Variants in SETD3 observed in about 807,000 individuals in gnomAD.
SETD3 encodes SET domain containing 3, actin N3(tau)-histidine methyltransferase, also known as actin-histidine N-methyltransferase.
A neutral mutation model predicts 63.0 loss-of-function variants in SETD3; 19 were observed. The ratio of observed to expected loss-of-function variants is 0.30; its 90% CI spans 0.21 to 0.44. The LOEUF (loss-of-function observed/expected upper bound fraction) is 0.44, where lower values mean the gene tolerates loss of function less well. SETD3 is among the 20% of genes least tolerant of loss of function. The pLI is 1.00. For missense variants in SETD3, 587 were observed against 728.5 expected (o/e 0.81, Z 2.24); for synonymous variants, 286 against 264.1 (o/e 1.08, Z -0.80).
intron 11 of SETD3, among the ~76,000 whole-genome samples, chr14:99,401,689 T>C (rs954265973): frequency 8.5e-5 from 13 of 152,232 alleles, no homozygotes; most frequent in African/African-American, 2.2e-4. Flanking sequence ...TTTTGAGTCA[T>C]TTTATATTCT....
intron 11 of SETD3, among the ~76,000 whole-genome samples, chr14:99,403,058 G>T (rs1307112628): frequency 6.6e-6 from 1 of 152,132 alleles, no homozygotes; most frequent in Non-Finnish European, 1.5e-5. Context: ...GCTCCCACTT[G>T]AATAACCGTA....
intron 3 of SETD3, among the ~76,000 whole-genome samples, chr14:99,462,989 C>T (rs1895156770): frequency 6.6e-6 from 1 of 152,154 alleles, no homozygotes; most frequent in Non-Finnish European, 1.5e-5. Flanking sequence ...CTTAGCCCCA[C>T]GCCAGCCTGG....
chr14:99,484,316 A>C (rs1392589455), upstream of SETD3, among the ~76,000 whole-genome samples: 2 of 152,276 alleles, frequency 1.3e-5, no homozygotes, highest in Non-Finnish European at 2.9e-5. Context: ...GCTGCAACGC[A>C]GCAGACACAC....
At chr14:99,434,950 C>G (rs1450589800) in intron 6 of SETD3, among the ~76,000 whole-genome samples, 1 of 144,136 alleles carries the variant, frequency 6.9e-6, no homozygotes, top group Non-Finnish European at 1.5e-5. Flanking sequence ...TAAAAGTTGA[C>G]AGAAAACTCC....
chr14:99,414,077 A>C, intron 6 of SETD3, 143 bp from the exon 7 acceptor site: 1 of 713,574 alleles, frequency 1.4e-6, no homozygotes, highest in Non-Finnish European at 2.5e-6. Flanking sequence ...CGCGCTACAG[A>C]GGGATCATCG....
intron 6 of SETD3, among the ~76,000 whole-genome samples, chr14:99,445,918 C>G (rs1163040617): frequency 1.3e-5 from 2 of 152,106 alleles, no homozygotes; most frequent in African/African-American, 4.8e-5. Flanking sequence ...TTTTAAACTT[C>G]TAGGGATTTT....
At chr14:99,470,006 C>T (rs942994467) in intron 1 of SETD3, among the ~76,000 whole-genome samples, 3 of 152,214 alleles carry the variant, frequency 2.0e-5, no homozygotes, top group African/African-American at 7.2e-5. Context: ...TTCCACAGCT[C>T]ACGGGATAAT....
intron 6 of SETD3, among the ~76,000 whole-genome samples, chr14:99,440,881 GAA>G (rs943242707): frequency 2.3e-4 from 35 of 151,934 alleles, no homozygotes; most frequent in African/African-American, 8.0e-4. Flanking sequence ...CCAGTTATCT[GAA>G]GAGATGCTCG....
At chr14:99,408,429 G>C (rs1199618462) in intron 8 of SETD3, among the ~76,000 whole-genome samples, 2 of 152,106 alleles carry the variant, frequency 1.3e-5, no homozygotes, top group Non-Finnish European at 2.9e-5. Context: ...TGACAACAAA[G>C]TGGAATGAGA....
chr14:99,443,420 T>C (rs1221534117), intron 6 of SETD3, among the ~76,000 whole-genome samples: 2 of 151,886 alleles, frequency 1.3e-5, no homozygotes, highest in African/African-American at 2.4e-5. Flanking sequence ...CCTGGGTGAT[T>C]TTTGCATTTT....
chr14:99,400,232 T>C lies in SETD3; in HGVS notation c.1205A>G (p.Asp402Gly). Residue 402 changes from aspartate (D) to glycine (G), a missense_variant, in exon 12 of 13, where the codon GAC becomes GGC. Asp to Gly is a moderately conservative substitution (Grantham distance 94, BLOSUM62 -1). Coordinates refer to ENST00000331768, the MANE Select transcript of SETD3 (RefSeq NM_032233.3). ...EEELKEHLLG[D>G]SAIDRIFTLG... ...GGTGAAGATTCTATCAATAGCGCTGTCTCCCAGCAAGTGTTCTTTCAGTTC... is the reference window on the plus strand; with the variant it reads ...GGTGAAGATTCTATCAATAGCGCTGCCTCCCAGCAAGTGTTCTTTCAGTTC... 6.2e-7 allele frequency: 1 copy of C among 1,613,060 alleles called. No homozygotes were observed. Among genetic ancestry groups the C allele is most frequent in the East Asian group, 2.2e-5 (1 of 44,854 alleles).
chr14:99,481,294 C>A (rs1308326347), upstream of SETD3: 1 of 396,902 alleles, frequency 2.5e-6, no homozygotes, highest in African/African-American at 2.1e-5. Context: ...AGCGGCGGCT[C>A]GTTCCTCTTT....
At chr14:99,435,837 A>T (rs1232913696) in intron 6 of SETD3, among the ~76,000 whole-genome samples, 1 of 151,912 alleles carries the variant, frequency 6.6e-6, no homozygotes, top group East Asian at 1.9e-4. Flanking sequence ...CAAAGAAAGA[A>T]GATGACTCCA....
chr14:99,473,105 C>A (rs1452797141), intron 1 of SETD3, among the ~76,000 whole-genome samples: 2 of 152,204 alleles, frequency 1.3e-5, no homozygotes, highest in African/African-American at 4.8e-5. Flanking sequence ...ACAAGACACA[C>A]TTTAGAAGAC....
At chr14:99,426,471 G>T (rs887072082) in intron 6 of SETD3, among the ~76,000 whole-genome samples, 1 of 152,238 alleles carries the variant, frequency 6.6e-6, no homozygotes, top group Non-Finnish European at 1.5e-5. Flanking sequence ...AGGTGCTGGG[G>T]TGTGCAGAGC....
At chr14:99,482,312 G>A (rs1426237149), upstream of SETD3, among the ~76,000 whole-genome samples, 1 of 152,212 alleles carries the variant, frequency 6.6e-6, no homozygotes, top group Non-Finnish European at 1.5e-5. Flanking sequence ...CTAGCACAAT[G>A]CCTTGCAGTT....
At chr14:99,460,951 G>C (rs1000739583) in intron 4 of SETD3, among the ~76,000 whole-genome samples, 5 of 152,290 alleles carry the variant, frequency 3.3e-5, no homozygotes, top group Non-Finnish European at 7.4e-5. Context: ...TCTCCTAACA[G>C]AGGCTCAGAA....
At chr14:99,472,498 A>C (rs927930428) in intron 1 of SETD3, among the ~76,000 whole-genome samples, 2 of 152,240 alleles carry the variant, frequency 1.3e-5, no homozygotes, top group African/African-American at 4.8e-5. Flanking sequence ...ATTTGGGGCT[A>C]AATTACAAGT....
At chr14:99,480,896 C>T (rs1294642369), upstream of SETD3, 1 of 152,238 alleles carries the variant, frequency 6.6e-6, no homozygotes, top group Non-Finnish European at 1.5e-5. Context: ...CGCTTCTCCT[C>T]CCGCCCCGGA....
Sources: allele counts gnomAD v4.1 joint callset (sites outside exome capture counted in the v4.1 genomes callset), GRCh38; gene constraint gnomAD v4.1.1; transcripts MANE v1.5; gene names NCBI Gene and HGNC (gene_info 2026-07-23, HGNC 2026-07-21).